Variants in RGS6 observed in about 807,000 individuals in gnomAD.
RGS6 encodes regulator of G protein signaling 6.
Under a neutral mutation model 78.5 loss-of-function variants are expected in RGS6, and 30 were observed. The observed-to-expected ratio is 0.38, with a 90% CI of 0.29 to 0.52. The LOEUF (loss-of-function observed/expected upper bound fraction) is 0.52. RGS6 is among the 20% of genes least tolerant of loss of function. The pLI, the probability that RGS6 is intolerant of heterozygous loss-of-function variation, is 0.85. For synonymous variants in RGS6, 206 were observed against 206.0 expected (o/e 1.00, Z 0.00); for missense variants, 495 against 609.7 (o/e 0.81, Z 1.98).
intron 3 of RGS6, among the ~76,000 whole-genome samples, chr14:72,380,842 T>A (rs1427038381): frequency 6.6e-6 from 1 of 150,486 alleles, no homozygotes; most frequent in East Asian, 2.0e-4. Flanking sequence ...GGGAAGGAAA[T>A]CAGTATATCA....
chr14:72,505,790 A>G (rs28392173), intron 13 of RGS6, among the ~76,000 whole-genome samples: 2,074 of 152,360 alleles, frequency 0.014, 43 homozygotes, highest in African/African-American at 0.047. Flanking sequence ...ATTAAGATTT[A>G]AATAGGGCAC....
rs532441524 is a variant in RGS6, at chr14:72,076,213, G to A, written c.84+111338G>A. ...GGCACCTTAGCCTGTTCTTCACTCCGCCATGATTGAAAGAGGAGAAAATAT... is the reference window on the plus strand; with the variant it reads ...GGCACCTTAGCCTGTTCTTCACTCCACCATGATTGAAAGAGGAGAAAATAT... On this transcript the variant is annotated intron_variant, in intron 2 of 17. Coordinates refer to ENST00000553525, the MANE Select transcript of RGS6 (RefSeq NM_001204424.2). Among the ~76,000 whole-genome samples, 7 of 152,254 alleles carry A rather than the reference G, an allele frequency of 4.6e-5. No individual in the cohort carries two copies. In the East Asian group the frequency reaches 9.7e-4, roughly 21 times the overall value.
In RGS6 at chr14:72,413,911, G is replaced by T. The variant is rs1280933287; in HGVS notation, c.185-40617G>T. On this transcript the variant is annotated intron_variant, in intron 3 of 17. Coordinates refer to ENST00000553525, the MANE Select transcript of RGS6 (RefSeq NM_001204424.2). ...GAATATTGGTCCCCACTCTCTTCTG[G>T]CTTGTAGAGTTTCTGCTGAGAGATC... Among the ~76,000 whole-genome samples the T allele has an allele frequency of 3.9e-5, 6 of 152,190 alleles. No homozygotes were observed. The East Asian group carries it at 1.2e-3, about 29-fold the overall frequency.
In RGS6 at chr14:72,564,631, C is replaced by T. The variant is rs925446303; in HGVS notation, c.*2164C>T. The T allele has an allele frequency of 2.6e-5, 4 of 152,256 alleles. No individual in the cohort carries two copies. The highest frequency in any genetic ancestry group is 7.2e-5 in the African/African-American group (3 of 41,448). The allele number at this position is 152,256 out of a possible 1,614,324, so 9.4% of individuals were successfully genotyped here. A position where few individuals can be genotyped will look rare whatever the true frequency, so the allele number is the denominator to read the frequency against. On this transcript the variant is annotated 3_prime_UTR_variant, in exon 18 of 18. Transcript: ENST00000553525. Reference sequence around the variant, plus strand: ...GCAAGGGGCCTGGCTGCCCCCTGCTCCTCCCCATGATGCAGGGGCTTTCTA... The same window carrying T: ...GCAAGGGGCCTGGCTGCCCCCTGCTTCTCCCCATGATGCAGGGGCTTTCTA...
chr14:71,995,639 G>A (rs890400156), intron 2 of RGS6, among the ~76,000 whole-genome samples: 18 of 152,136 alleles, frequency 1.2e-4, no homozygotes, highest in Admixed American at 3.9e-4. Context: ...GATTTAATGC[G>A]CATCAGGAGA....
chr14:72,052,298 C>G (rs1040377069), intron 2 of RGS6, among the ~76,000 whole-genome samples: 1 of 152,124 alleles, frequency 6.6e-6, no homozygotes, highest in African/African-American at 2.4e-5. Flanking sequence ...ATTAATGTGC[C>G]ATTTTATCAG....
intron 2 of RGS6, among the ~76,000 whole-genome samples, chr14:72,339,797 A>G (rs2076662485): frequency 6.6e-6 from 1 of 152,184 alleles, no homozygotes; most frequent in South Asian, 2.1e-4. Context: ...GAAAGGCATG[A>G]GACATGAAAC....
chr14:72,548,757 T>C (rs1189575607), intron 17 of RGS6, among the ~76,000 whole-genome samples: 3 of 152,142 alleles, frequency 2.0e-5, no homozygotes, highest in Non-Finnish European at 4.4e-5. Context: ...TGCATTTGTC[T>C]TCAAGAGTGG....
intron 2 of RGS6, among the ~76,000 whole-genome samples, chr14:72,287,769 A>C (rs2062850571): frequency 6.6e-6 from 1 of 152,140 alleles, no homozygotes; most frequent in South Asian, 2.1e-4. Context: ...ACTTTTTTAT[A>C]TTGAGGTAAA....
At chr14:72,512,662 C>T (rs997739808) in intron 14 of RGS6, among the ~76,000 whole-genome samples, 1 of 152,242 alleles carries the variant, frequency 6.6e-6, no homozygotes, top group Non-Finnish European at 1.5e-5. Context: ...CCAAGAGCCT[C>T]TAAAATCCTC....
intron 2 of RGS6, among the ~76,000 whole-genome samples, chr14:72,138,855 G>A (rs2096493095): frequency 6.6e-6 from 1 of 152,114 alleles, no homozygotes; most frequent in South Asian, 2.1e-4. Flanking sequence ...GTCTACAGAT[G>A]GGACTGTCTA....
At chr14:72,356,227 C>T (rs1427593995) in intron 3 of RGS6, among the ~76,000 whole-genome samples, 1 of 152,104 alleles carries the variant, frequency 6.6e-6, no homozygotes, top group African/African-American at 2.4e-5. Context: ...GTGATTAGCT[C>T]ATGGGGAAGG....
intron 13 of RGS6, among the ~76,000 whole-genome samples, chr14:72,509,096 G>A (rs1255195403): frequency 2.0e-5 from 3 of 152,160 alleles, no homozygotes; most frequent in Admixed American, 6.5e-5. Flanking sequence ...CGGGTGCAGT[G>A]GCTCACACCT....
Position 72,430,095 on chromosome 14 carries a change from A to G in RGS6, c.185-24433A>G, listed in dbSNP as rs1566826686. Among the ~76,000 whole-genome samples, 5 of 152,238 alleles carry G rather than the reference A, an allele frequency of 3.3e-5. No homozygotes were observed. The South Asian group carries it at 1.0e-3, about 32-fold the overall frequency. ...CCAGTCTCTGGCAGTTCTTTACAGC[A>G]GTATGAAAATGGACTAATACAACAC... On this transcript the variant is annotated intron_variant, in intron 3 of 17. Transcript: ENST00000553525.
At chr14:71,938,560 G>A (rs1346054837) in intron 1 of RGS6, among the ~76,000 whole-genome samples, 1 of 152,196 alleles carries the variant, frequency 6.6e-6, no homozygotes, top group African/African-American at 2.4e-5. Flanking sequence ...CTCCCCATGA[G>A]GCCGTGGGTG....
chr14:72,214,177 ATTTTTTTTT>A (rs35022655), intron 2 of RGS6, among the ~76,000 whole-genome samples: 1 of 131,252 alleles, frequency 7.6e-6, no homozygotes, highest in Non-Finnish European at 1.7e-5. Flanking sequence ...TTATTTTCTT[ATTTTTTTTT>A]TTTTTTTTCA....
chr14:71,897,355 G>C, the RGS6 span, among the ~76,000 whole-genome samples: 1 of 152,164 alleles, frequency 6.6e-6, no homozygotes, highest in Admixed American at 6.6e-5. Context: ...CTCCTCTGTA[G>C]TATTGGGATT....
At chr14:72,134,546 T>G (rs1421093449) in intron 2 of RGS6, among the ~76,000 whole-genome samples, 2 of 152,220 alleles carry the variant, frequency 1.3e-5, no homozygotes, top group Non-Finnish European at 2.9e-5. Context: ...GCATGTGCCA[T>G]TTAACATGTG....
intron 2 of RGS6, among the ~76,000 whole-genome samples, chr14:72,158,869 C>G (rs2096812398): frequency 7.1e-6 from 1 of 140,014 alleles, no homozygotes; most frequent in Admixed American, 7.3e-5. Context: ...CTAGAGCTTT[C>G]TGCCTGGGTT....
Sources: gnomAD v4.1 joint callset for allele counts (sites outside exome capture counted in the v4.1 genomes callset) on GRCh38, gnomAD v4.1.1 for gene constraint, MANE v1.5 for transcripts, NCBI Gene and HGNC (gene_info 2026-07-23, HGNC 2026-07-21) for gene names.